Variants in SLC4A7 observed in about 807,000 individuals in gnomAD.
The protein encoded by SLC4A7 is solute carrier family 4 member 7.
SLC4A7 carries 51 observed loss-of-function variants against 137.6 expected under a neutral mutation model. The ratio of observed to expected loss-of-function variants is 0.37; its 90% confidence interval spans 0.30 to 0.47. SLC4A7 has a LOEUF of 0.47. Among genes scored for constraint, SLC4A7 ranks in the 20% least tolerant of loss-of-function variants. The pLI is 1.00. For missense variants in SLC4A7, 1,247 were observed against 1,525.4 expected, an observed-to-expected ratio of 0.82 and a Z score of 3.04; for synonymous variants, 542 against 518.6, an observed-to-expected ratio of 1.05 and a Z score of -0.61.
chr3:27,452,249 C>G (rs888173145), intron 2 of SLC4A7, among the ~76,000 whole-genome samples, 168 bp downstream of exon 2: 3 of 152,210 alleles, frequency 2.0e-5, no homozygotes, highest in Non-Finnish European at 4.4e-5. Flanking sequence ...ATTATGAACT[C>G]TATCTTTTGC....
chr3:27,400,842 G>A lies in SLC4A7; in HGVS notation c.2349C>T (p.Pro783=). Residue 783 remains proline (P), a synonymous_variant, in exon 16 of 26, where the codon CCC becomes CCT. Coordinates refer to ENST00000454389, the MANE Select transcript of SLC4A7 (RefSeq NM_001321103.2). ...TCCATTGTGCTAGAGTTTCATTGCT[G>A]GGGTTTGGAGGTTCAGTACATACAC... The part of the protein sequence containing the change: ...YSCVCTEPPN[P]SNETLAQWKK... The A allele has an allele frequency of 6.2e-7, 1 of 1,604,126 alleles. No homozygotes were observed. Among genetic ancestry groups the A allele is most frequent in the Non-Finnish European group, 8.5e-7 (1 of 1,171,080 alleles).
intron 16 of SLC4A7, among the ~76,000 whole-genome samples, chr3:27,399,660 G>A (rs1321873236): frequency 6.6e-6 from 1 of 152,074 alleles, no homozygotes; most frequent in Non-Finnish European, 1.5e-5. Flanking sequence ...TCTAACTCCT[G>A]GCCTCTAGCA....
chr3:27,419,141 G>A (rs1407364215), intron 10 of SLC4A7, among the ~76,000 whole-genome samples: 4 of 151,948 alleles, frequency 2.6e-5, no homozygotes, highest in African/African-American at 4.8e-5. Flanking sequence ...TTTTTTCTAG[G>A]AGGAAAAACA....
Position 27,409,392 on chromosome 3 carries a change from A to G in SLC4A7, c.1905T>C (p.Phe635=). 6.2e-7 allele frequency: 1 copy of G among 1,613,394 alleles called. No homozygotes were observed. The highest frequency in any genetic ancestry group is 1.1e-5 in the South Asian group (1 of 90,934). ...YCACMSPVIT[F]GGLLGEATEG... is the part of the protein sequence containing the mutation. ...CTGTAGCTTCTCCAAGCAGCCCTCC[A>G]AAAGTGATTACAGGAGACATACAGG... The change falls in exon 13 of 26, where the codon TTT becomes TTC. Residue 635 remains phenylalanine, a synonymous_variant. Transcript: ENST00000454389.
At chr3:27,420,557 A>C (rs950763424) in intron 10 of SLC4A7, 143 bp downstream of exon 10, 4 of 432,852 alleles carry the variant, frequency 9.2e-6, no homozygotes, top group Admixed American at 8.7e-5. Flanking sequence ...AAATAGGAGA[A>C]GCAAATATGA....
At chr3:27,382,901 A>T (rs2050566636) in intron 24 of SLC4A7, among the ~76,000 whole-genome samples, 1 of 152,222 alleles carries the variant, frequency 6.6e-6, no homozygotes, top group South Asian at 2.1e-4. Context: ...GATAGAAGAC[A>T]AGCAAATTTT....
intron 13 of SLC4A7, 143 bp downstream of exon 13, chr3:27,409,213 C>T: frequency 1.7e-6 from 1 of 589,470 alleles, no homozygotes; most frequent in Non-Finnish European, 2.9e-6. Flanking sequence ...CAGCAATTAC[C>T]TTTGGGGAAA....
chr3:27,449,057 GTTTTGT>G (rs1207211533), intron 2 of SLC4A7, among the ~76,000 whole-genome samples: 7 of 145,488 alleles, frequency 4.8e-5, no homozygotes, highest in African/African-American at 1.5e-4. Flanking sequence ...CTTTTTTTTT[GTTTTGT>G]TTTTGTTTTT....
intron 25 of SLC4A7, among the ~76,000 whole-genome samples, chr3:27,377,829 T>C (rs1033333097): frequency 6.6e-6 from 1 of 152,252 alleles, no homozygotes; most frequent in Non-Finnish European, 1.5e-5. Flanking sequence ...TGGTTTGCTG[T>C]CTTCTCCAGA....
At chr3:27,433,740 T>C (rs923340696) in intron 6 of SLC4A7, among the ~76,000 whole-genome samples, 176 bp downstream of exon 6, 4 of 152,348 alleles carry the variant, frequency 2.6e-5, no homozygotes, top group Admixed American at 2.0e-4. Flanking sequence ...GATCATAATT[T>C]ATGCCTCTTT....
intron 18 of SLC4A7, among the ~76,000 whole-genome samples, chr3:27,397,443 T>A (rs1389217994): frequency 6.6e-6 from 1 of 152,008 alleles, no homozygotes; most frequent in Non-Finnish European, 1.5e-5. Context: ...CCACAAATAT[T>A]TTCATTCACT....
At chr3:27,381,009 T>C (rs1325152560) in intron 24 of SLC4A7, among the ~76,000 whole-genome samples, 1 of 152,236 alleles carries the variant, frequency 6.6e-6, no homozygotes, top group African/African-American at 2.4e-5. Context: ...TCATCTTTTA[T>C]AAGGGCTTTA....
chr3:27,446,250 T>TA (rs1319495728), intron 3 of SLC4A7, among the ~76,000 whole-genome samples: 4 of 151,896 alleles, frequency 2.6e-5, no homozygotes, highest in Non-Finnish European at 4.4e-5. Context: ...GAATAATTAT[T>TA]AAAATAAAAT....
At chr3:27,436,284 T>C in intron 5 of SLC4A7, 104 bp downstream of exon 5, 1 of 768,952 alleles carries the variant, frequency 1.3e-6, no homozygotes, top group Non-Finnish European at 2.0e-6. Flanking sequence ...TCTTATTTCC[T>C]TATACTGCAC....
At chr3:27,453,237 A>G (rs2058193737) in intron 1 of SLC4A7, among the ~76,000 whole-genome samples, 1 of 152,200 alleles carries the variant, frequency 6.6e-6, no homozygotes, top group South Asian at 2.1e-4. Context: ...AGGACATTCT[A>G]ATCATCATTA....
chr3:27,420,276 A>C (rs933588573), intron 10 of SLC4A7, among the ~76,000 whole-genome samples: 1 of 152,172 alleles, frequency 6.6e-6, no homozygotes, highest in Admixed American at 6.5e-5. Context: ...CAAGAATCTG[A>C]TTACAAATCT....
At chr3:27,406,517 T>A (rs1472539176) in intron 13 of SLC4A7, among the ~76,000 whole-genome samples, 1 of 152,208 alleles carries the variant, frequency 6.6e-6, no homozygotes, top group Non-Finnish European at 1.5e-5. Flanking sequence ...TGGGCTAAAT[T>A]TGTTTTCTTG....
At chr3:27,384,957 A>G (rs1329773861) in intron 23 of SLC4A7, among the ~76,000 whole-genome samples, 1 of 152,140 alleles carries the variant, frequency 6.6e-6, no homozygotes, top group Non-Finnish European at 1.5e-5. Context: ...AAAAAACAAA[A>G]AACCCTCATA....
chr3:27,463,053 CG>C (rs1559829653), intron 1 of SLC4A7, among the ~76,000 whole-genome samples: 1 of 151,222 alleles, frequency 6.6e-6, no homozygotes, highest in African/African-American at 2.4e-5. Context: ...CTTTGTGAGG[CG>C]GGGGCAGAGG....
Sources: allele counts gnomAD v4.1 joint callset (sites outside exome capture counted in the v4.1 genomes callset), GRCh38; gene constraint gnomAD v4.1.1; transcripts MANE v1.5; gene names NCBI Gene and HGNC (gene_info 2026-07-23, HGNC 2026-07-21).